The following GALNTL6 variants were observed in gnomAD, a reference collection of about 807,000 sequenced individuals.
GALNTL6 encodes polypeptide N-acetylgalactosaminyltransferase-like 6.
A neutral mutation model predicts 73.7 loss-of-function variants in GALNTL6; 46 were observed. The ratio of observed to expected loss-of-function variants is 0.62; its 90% CI spans 0.49 to 0.80. The LOEUF (loss-of-function observed/expected upper bound fraction) is 0.80, where lower values mean the gene tolerates loss of function less well. Ranked by LOEUF, GALNTL6 falls within the 30% of genes least tolerant of loss-of-function variation. The pLI is 0.00. For synonymous variants in GALNTL6, 259 were observed against 263.7 expected, an observed-to-expected ratio of 0.98 and a Z score of 0.17; for missense variants, 604 against 755.0, an observed-to-expected ratio of 0.80 and a Z score of 2.34.
chr4:172,441,641 A>G (rs939449725), intron 5 of GALNTL6, among the ~76,000 whole-genome samples: 2 of 152,170 alleles, frequency 1.3e-5, no homozygotes, highest in East Asian at 1.9e-4. Context: ...CCTAAGCACA[A>G]AGAAGGCTGT....
At chr4:172,160,806 G>A (rs1734436273) in intron 2 of GALNTL6, among the ~76,000 whole-genome samples, 1 of 151,364 alleles carries the variant, frequency 6.6e-6, no homozygotes. Context: ...TATATATAAA[G>A]AAACAGAGGG....
intron 5 of GALNTL6, among the ~76,000 whole-genome samples, chr4:172,465,096 T>A (rs1732759542): frequency 6.6e-6 from 1 of 152,212 alleles, no homozygotes; most frequent in South Asian, 2.1e-4. Context: ...CATCTTTTAC[T>A]TTGTTATCTA....
intron 5 of GALNTL6, among the ~76,000 whole-genome samples, chr4:172,363,046 CTT>C (rs1561046279): frequency 6.6e-6 from 1 of 152,072 alleles, no homozygotes; most frequent in Non-Finnish European, 1.5e-5. Context: ...CTCTCTATAA[CTT>C]TTTCTTATGC....
chr4:172,887,564 A>ATTTG (rs1409135385), intron 8 of GALNTL6, among the ~76,000 whole-genome samples: 7 of 149,096 alleles, frequency 4.7e-5, no homozygotes, highest in Admixed American at 1.3e-4. Flanking sequence ...TTATTTATTT[A>ATTTG]TTTATTTATT....
intron 3 of GALNTL6, among the ~76,000 whole-genome samples, chr4:172,264,564 A>G: frequency 4.4e-5 from 1 of 22,606 alleles, no homozygotes; most frequent in South Asian, 8.0e-4. Context: ...AAATATATAT[A>G]TATATATATA....
At chr4:172,863,363 C>A (rs542709122) in intron 7 of GALNTL6, among the ~76,000 whole-genome samples, 1 of 152,324 alleles carries the variant, frequency 6.6e-6, no homozygotes, top group Non-Finnish European at 1.5e-5. Context: ...CCTGAGAAAG[C>A]AGCCAGGAAG....
In GALNTL6 at chr4:172,686,492, G is replaced by C. The variant is rs867616153; in HGVS notation, c.554-122869G>C. ...AAGATGTGATTCTGGTAACTTAATT[G>C]TTAGCTATAAAGGTGAGAATGCAAG... On this transcript the variant is annotated intron_variant, in intron 5 of 12. Coordinates refer to ENST00000506823, the MANE Select transcript of GALNTL6 (RefSeq NM_001034845.3). Among the ~76,000 whole-genome samples the C allele has an allele frequency of 5.3e-5, 8 of 152,250 alleles. No homozygotes were observed. The South Asian group carries it at 1.7e-3, about 32-fold the overall frequency.
intron 5 of GALNTL6, among the ~76,000 whole-genome samples, chr4:172,402,456 A>G (rs1175248353): frequency 2.6e-5 from 4 of 152,122 alleles, no homozygotes; most frequent in Admixed American, 6.6e-5. Context: ...CTTAAAGCGT[A>G]ATTTTAAATC....
chr4:172,728,371 A>G lies in GALNTL6; in HGVS notation c.554-80990A>G, dbSNP rs1735950621. On this transcript the variant is annotated intron_variant, in intron 5 of 12. Transcript: ENST00000506823. ...TCTCACATAGGAGTGAGAATATGCA[A>G]TGTTTGCCTTTTTGTGTTTGGCTTA... 2.0e-5 allele frequency among the ~76,000 whole-genome samples: 3 copies of G among 152,002 alleles called. No homozygotes were observed. In the South Asian group the frequency reaches 6.2e-4, roughly 32 times the overall value.
In GALNTL6 at chr4:172,669,868, G is replaced by A. The variant is rs546193841; in HGVS notation, c.554-139493G>A. Among the ~76,000 whole-genome samples, 6 of 152,178 alleles carry A rather than the reference G, an allele frequency of 3.9e-5. No homozygotes were observed. The East Asian group carries it at 9.7e-4, about 25-fold the overall frequency. On this transcript the variant is annotated intron_variant, in intron 5 of 12. Coordinates refer to ENST00000506823, the MANE Select transcript of GALNTL6 (RefSeq NM_001034845.3). ...CAGTGTTTGTTGTTCTCCTTTATGT[G>A]ACCATGTGTTCTCATCATTTAGCTC...
At chr4:172,471,234 G>A (rs1444291207) in intron 5 of GALNTL6, among the ~76,000 whole-genome samples, 4 of 152,082 alleles carry the variant, frequency 2.6e-5, no homozygotes, top group Admixed American at 2.0e-4. Flanking sequence ...TAATGTCAAC[G>A]CTAAGAACTG....
chr4:172,925,654 C>T (rs960697522), intron 8 of GALNTL6, among the ~76,000 whole-genome samples: 1 of 152,134 alleles, frequency 6.6e-6, no homozygotes, highest in African/African-American at 2.4e-5. Flanking sequence ...AAATGGGGAT[C>T]TCAGTCCCAT....
intron 5 of GALNTL6, among the ~76,000 whole-genome samples, chr4:172,557,422 G>A (rs2110916404): frequency 6.6e-6 from 1 of 152,212 alleles, no homozygotes; most frequent in East Asian, 1.9e-4. Context: ...AAAAATGCCT[G>A]TTCATCAGAA....
intron 3 of GALNTL6, among the ~76,000 whole-genome samples, chr4:172,248,032 T>A: frequency 6.7e-6 from 1 of 150,018 alleles, no homozygotes; most frequent in African/African-American, 2.4e-5. Flanking sequence ...CAAAATATAT[T>A]TGACAAAGAA....
At chr4:172,147,448 C>T (rs1733955243) in intron 2 of GALNTL6, among the ~76,000 whole-genome samples, 1 of 152,160 alleles carries the variant, frequency 6.6e-6, no homozygotes, top group African/African-American at 2.4e-5. Context: ...TGAGTTCATC[C>T]TCGATGTGTG....
chr4:172,989,347 G>A (rs1052483766), intron 10 of GALNTL6, among the ~76,000 whole-genome samples: 2 of 152,158 alleles, frequency 1.3e-5, no homozygotes, highest in Admixed American at 6.5e-5. Context: ...TCTCAAATGA[G>A]ACTTTTGACT....
chr4:172,986,984 C>T (rs1289762483), intron 10 of GALNTL6, among the ~76,000 whole-genome samples: 1 of 152,150 alleles, frequency 6.6e-6, no homozygotes, highest in Non-Finnish European at 1.5e-5. Flanking sequence ...AACTGTAGAA[C>T]ATATTTTTTT....
At chr4:172,721,215 G>A (rs1403250386) in intron 5 of GALNTL6, among the ~76,000 whole-genome samples, 1 of 152,128 alleles carries the variant, frequency 6.6e-6, no homozygotes, top group Non-Finnish European at 1.5e-5. Flanking sequence ...TCTAACCCAA[G>A]ATAGTCATGG....
chr4:172,401,790 A>G (rs918809971), intron 5 of GALNTL6, among the ~76,000 whole-genome samples: 1 of 152,074 alleles, frequency 6.6e-6, no homozygotes, highest in Admixed American at 6.6e-5. Context: ...CGAAATTACA[A>G]TAATAACAGA....
Sources: allele counts gnomAD v4.1 joint callset (sites outside exome capture counted in the v4.1 genomes callset), GRCh38; gene constraint gnomAD v4.1.1; transcripts MANE v1.5; gene names NCBI Gene and HGNC (gene_info 2026-07-23, HGNC 2026-07-21).